The following TGIF1 variants were observed in gnomAD, a reference collection of about 807,000 sequenced individuals.
The protein encoded by TGIF1 is TGFB induced factor homeobox 1, also known as homeobox protein TGIF1.
A neutral mutation model predicts 19.3 loss-of-function variants in TGIF1; 4 were observed. That is an observed-to-expected ratio of 0.21 (90% CI 0.10 to 0.47). The LOEUF is 0.47. Ranked by LOEUF, TGIF1 falls within the 20% of genes least tolerant of loss-of-function variation. The pLI is 0.98. For synonymous variants in TGIF1, 122 were observed against 129.3 expected (o/e 0.94, Z 0.38); for missense variants, 275 against 341.4 (o/e 0.81, Z 1.53).
At chr18:3,447,942 T>C, upstream of TGIF1, 1 of 1,435,006 alleles carries the variant, frequency 7.0e-7, no homozygotes, top group East Asian at 2.4e-5. Context: ...TGCCTGAGAA[T>C]CGCAGTCATT....
intron 2 of TGIF1, among the ~76,000 whole-genome samples, chr18:3,428,134 T>C (rs1449867913): frequency 6.6e-6 from 1 of 152,204 alleles, no homozygotes; most frequent in Non-Finnish European, 1.5e-5. Flanking sequence ...ATCAAGGCCA[T>C]GGCAAGCTCT....
Position 3,451,293 on chromosome 18 carries a change from G to A in TGIF1, c.16+788G>A. 2.2e-6 allele frequency: 2 copies of A among 904,864 alleles called. No homozygotes were observed. Among genetic ancestry groups the A allele is most frequent in the South Asian group, 1.0e-4 (2 of 19,650 alleles). The allele number at this position is 904,864 out of a possible 1,614,324, so 56.1% of individuals were successfully genotyped here. A position where few individuals can be genotyped will look rare whatever the true frequency, so the allele number is the denominator to read the frequency against. On this transcript the variant is annotated intron_variant, in intron 1 of 2. Transcript: ENST00000343820. This position sits in a 1 kb window ranked among gnomAD's most constrained non-coding sequence, Gnocchi z 5.4. The stretch of plus-strand genomic sequence containing the variant: ...ATTGTTTCCACGAAGTGTTCTGGAA[G>A]CTTTACAACTAAAACTTGCCGTCAG...
chr18:3,452,268 G>A (rs1386893670), intron 1 of TGIF1: 2 of 1,610,224 alleles, frequency 1.2e-6, no homozygotes, highest in East Asian at 4.5e-5. Flanking sequence ...CCTCTCCCCG[G>A]AGCTGGGGAC....
Position 3,451,618 on chromosome 18 carries a change from C to CG in TGIF1, c.16+1117dup, listed in dbSNP as rs1466462718. The stretch of plus-strand genomic sequence containing the variant: ...ACATTCTTTCAGACCCGGCCCGCTG[C>CG]GGGGCGTTCCTGGGGGGTAGCCTCA... On this transcript the variant is annotated intron_variant, in intron 1 of 2. Coordinates refer to ENST00000343820, the MANE Select transcript of TGIF1 (RefSeq NM_003244.4). This position sits in a 1 kb window ranked among gnomAD's most constrained non-coding sequence, Gnocchi z 5.4. 9 of 1,082,112 alleles carry CG rather than the reference C, an allele frequency of 8.3e-6. No individual in the cohort carries two copies. The East Asian group carries it at 4.6e-4, about 55-fold the overall frequency. The allele number at this position is 1,082,112 out of a possible 1,614,324, so 67.0% of individuals were successfully genotyped here. A position where few individuals can be genotyped will look rare whatever the true frequency, so the allele number is the denominator to read the frequency against.
chr18:3,442,703 T>C lies in TGIF1; in HGVS notation c.-44-13651T>C, dbSNP rs76177723. On this transcript the variant is annotated intron_variant, in intron 2 of 3. Transcript: ENST00000401449. ...GAGTTCAAGACCAGCCTGGGCAACA[T>C]AGTGAGACCGCATCTCTACTTTTAT... Among the ~76,000 whole-genome samples, 1,262 of 152,216 alleles carry C rather than the reference T, an allele frequency of 8.3e-3. 7 individuals are homozygous for C. The highest frequency in any genetic ancestry group is 0.017 in the Middle Eastern group (5 of 294).
upstream of TGIF1, among the ~76,000 whole-genome samples, chr18:3,449,076 C>G (rs759967253): frequency 2.6e-5 from 4 of 152,102 alleles, no homozygotes; most frequent in African/African-American, 4.8e-5. Context: ...AGGGGGCATG[C>G]GTTTCTTCAA....
intron 2 of TGIF1, among the ~76,000 whole-genome samples, chr18:3,440,969 C>A (rs1193253740): frequency 6.6e-6 from 1 of 152,168 alleles, no homozygotes; most frequent in Non-Finnish European, 1.5e-5. Context: ...TTAAATAAAA[C>A]AACTTAACAT....
At chr18:3,448,300 C>G (rs1008710043), upstream of TGIF1, 1 of 985,322 alleles carries the variant, frequency 1.0e-6, no homozygotes, top group African/African-American at 1.7e-5. Context: ...GGCTCCCCAG[C>G]GGATAGGAGC....
intron 2 of TGIF1, among the ~76,000 whole-genome samples, chr18:3,423,542 T>A (rs564575741): frequency 6.6e-6 from 1 of 151,868 alleles, no homozygotes; most frequent in Non-Finnish European, 1.5e-5. Flanking sequence ...TTAGCCGGGC[T>A]TGGTGTCGGG....
intron 1 of TGIF1, chr18:3,415,571 AG>A: frequency 3.7e-6 from 1 of 267,528 alleles, no homozygotes; most frequent in Non-Finnish European, 7.9e-6. Context: ...GCTCCAGCCT[AG>A]GGCGGTTCTC....
chr18:3,439,447 G>A (rs909850849), intron 2 of TGIF1, among the ~76,000 whole-genome samples: 2 of 151,456 alleles, frequency 1.3e-5, no homozygotes, highest in African/African-American at 2.4e-5. Flanking sequence ...AGGTTCAAGC[G>A]ATTCTCCTGC....
intron 2 of TGIF1, among the ~76,000 whole-genome samples, chr18:3,443,545 A>G (rs186670841): frequency 1.5e-4 from 23 of 152,286 alleles, no homozygotes; most frequent in Admixed American, 1.0e-3. Flanking sequence ...GTATACCACG[A>G]AGCCCAGCCA....
chr18:3,452,226 C>A (rs747784486), intron 1 of TGIF1: 2 of 1,518,694 alleles, frequency 1.3e-6, no homozygotes, highest in Non-Finnish European at 1.8e-6. Context: ...CGCCCCCCCT[C>A]CTCCACCGGC....
chr18:3,431,668 A>C (rs1010406025), intron 2 of TGIF1, among the ~76,000 whole-genome samples: 4 of 152,138 alleles, frequency 2.6e-5, no homozygotes, highest in Non-Finnish European at 5.9e-5. Context: ...AAGTTTGAGG[A>C]ATAGGACATC....
At chr18:3,431,323 G>A (rs994556242) in intron 2 of TGIF1, among the ~76,000 whole-genome samples, 12 of 152,156 alleles carry the variant, frequency 7.9e-5, no homozygotes, top group African/African-American at 2.4e-4. Flanking sequence ...GGTGGGTGCC[G>A]GTGATCCCAA....
At position 3,456,608 on chromosome 18, in the gene TGIF1, G is replaced by A; in HGVS notation, c.243+28G>A. The A allele has an allele frequency of 6.2e-7, 1 of 1,604,394 alleles. No homozygotes were observed. The highest frequency in any genetic ancestry group is 8.5e-7 in the Non-Finnish European group (1 of 1,171,650). On this transcript the variant is annotated intron_variant, in intron 2 of 2. Coordinates refer to ENST00000343820, the MANE Select transcript of TGIF1 (RefSeq NM_003244.4). This position sits in a 1 kb window ranked among gnomAD's most constrained non-coding sequence, Gnocchi z 4.2. Reference sequence around the variant, plus strand: ...AAAGAAAGAGAGCGTGAGGTTTATGGATGCATTTTTAGTTTCAAAGTCATT... The same window carrying A: ...AAAGAAAGAGAGCGTGAGGTTTATGAATGCATTTTTAGTTTCAAAGTCATT...
chr18:3,419,877 C>T (rs1227871923), intron 2 of TGIF1, among the ~76,000 whole-genome samples: 1 of 151,892 alleles, frequency 6.6e-6, no homozygotes, highest in Non-Finnish European at 1.5e-5. Context: ...ATGGTGGTGC[C>T]TGCCTGTAAT....
upstream of TGIF1, chr18:3,447,492 T>C: frequency 1.7e-6 from 1 of 598,942 alleles, no homozygotes; most frequent in South Asian, 1.9e-5. Context: ...CCCTAAGCAA[T>C]TGCTGGTATC....
intron 2 of TGIF1, among the ~76,000 whole-genome samples, chr18:3,438,032 C>A (rs561954532): frequency 6.6e-6 from 1 of 151,614 alleles, no homozygotes; most frequent in African/African-American, 2.4e-5. Context: ...TGCAGTGAGC[C>A]GAGATCACGC....
Sources: gnomAD v4.1 joint callset for allele counts (sites outside exome capture counted in the v4.1 genomes callset) on GRCh38, gnomAD v4.1.1 for gene constraint, Gnocchi (gnomAD v3.1) non-coding constraint, MANE v1.5 for transcripts, NCBI Gene and HGNC (gene_info 2026-07-23, HGNC 2026-07-21) for gene names.